Variants in RC3H2 observed in about 807,000 individuals in gnomAD.
The protein encoded by RC3H2 is roquin-2.
Under a neutral mutation model 133.3 loss-of-function variants are expected in RC3H2, and 31 were observed. The ratio of observed to expected loss-of-function variants is 0.23; its 90% CI spans 0.17 to 0.31. The LOEUF is 0.31. Ranked by LOEUF, RC3H2 falls within the 10% of genes least tolerant of loss-of-function variation. RC3H2 has a pLI of 1.00. For missense variants in RC3H2, 1,175 were observed against 1,437.2 expected, an observed-to-expected ratio of 0.82 and a Z score of 2.95; for synonymous variants, 517 against 502.2, an observed-to-expected ratio of 1.03 and a Z score of -0.40.
chr9:122,847,399 C>T lies in RC3H2; in HGVS notation c.*2228G>A, dbSNP rs1030035481. The T allele has an allele frequency of 2.0e-5, 3 of 151,954 alleles. No homozygotes were observed. The highest frequency in any genetic ancestry group is 7.2e-5 in the African/African-American group (3 of 41,394). The allele number at this position is 151,954 out of a possible 1,614,324, so 9.4% of individuals were successfully genotyped here. ...AGGAGCTCTCAAACTGTTAATAGGT[C>T]TCTATTTTGTAACAAAATAGCAATT... On this transcript the variant is annotated 3_prime_UTR_variant, in exon 21 of 21. Transcript: ENST00000357244.
At chr9:122,902,890 T>C (rs1018762159) in intron 1 of RC3H2, among the ~76,000 whole-genome samples, 1 of 152,042 alleles carries the variant, frequency 6.6e-6, no homozygotes, top group African/African-American at 2.4e-5. Context: ...AAATTATTTT[T>C]AGTAATATAT....
chr9:122,854,085 G>T lies in RC3H2; in HGVS notation c.2984C>A (p.Ala995Asp). 2 of 1,613,544 alleles carry T rather than the reference G, an allele frequency of 1.2e-6. No individual in the cohort carries two copies. Among genetic ancestry groups the T allele is most frequent in the Non-Finnish European group, 1.7e-6 (2 of 1,179,940 alleles). ...CTGAAGAAGTAATGAGTTGCTCTTGGCCTATATGAGGAGGGAAAAAAAGAA... is the reference window on the plus strand; with the variant it reads ...CTGAAGAAGTAATGAGTTGCTCTTGTCCTATATGAGGAGGGAAAAAAAGAA... The part of the protein sequence containing the change: ...GDLLSLELQQ[A>D]KSNSLLLQRE... Residue 995 changes from alanine (A) to aspartate (D), a missense_variant and splice_region_variant, in exon 18 of 21, where the codon GCC becomes GAC. Coordinates refer to ENST00000357244, the MANE Select transcript of RC3H2 (RefSeq NM_001100588.3).
chr9:122,869,750 A>G (rs1830981612), intron 9 of RC3H2, among the ~76,000 whole-genome samples: 1 of 151,924 alleles, frequency 6.6e-6, no homozygotes, highest in Admixed American at 6.6e-5. Context: ...TTGTATTTTT[A>G]GTAGAGATGG....
intron 1 of RC3H2, among the ~76,000 whole-genome samples, chr9:122,904,151 C>G (rs1242550627): frequency 3.3e-5 from 5 of 152,022 alleles, no homozygotes; most frequent in Non-Finnish European, 7.4e-5. Flanking sequence ...TACAAACTCA[C>G]CCACCCACAA....
chr9:122,854,664 G>T, intron 15 of RC3H2, 49 bp from the exon 16 acceptor site: 1 of 1,193,816 alleles, frequency 8.4e-7, no homozygotes, highest in Non-Finnish European at 1.3e-6. Context: ...AAAAATCAGT[G>T]TACTGAGGTG....
chr9:122,861,372 C>A (rs1439817739), intron 10 of RC3H2, among the ~76,000 whole-genome samples: 1 of 151,612 alleles, frequency 6.6e-6, no homozygotes, highest in East Asian at 1.9e-4. Flanking sequence ...TGCCTGTAAT[C>A]CCAGCTACTT....
At chr9:122,900,762 C>CA (rs1393633801) in intron 1 of RC3H2, among the ~76,000 whole-genome samples, 1 of 152,106 alleles carries the variant, frequency 6.6e-6, no homozygotes, top group Non-Finnish European at 1.5e-5. Context: ...AAAAGGCCTA[C>CA]AACTCAAGAT....
At chr9:122,850,728 C>T (rs747394596) in intron 20 of RC3H2, among the ~76,000 whole-genome samples, 4 of 152,134 alleles carry the variant, frequency 2.6e-5, no homozygotes, top group East Asian at 1.9e-4. Flanking sequence ...TGAGCCACTA[C>T]GCCCAGCCTA....
chr9:122,885,098 T>C (rs1238284040), intron 4 of RC3H2, among the ~76,000 whole-genome samples: 1 of 152,148 alleles, frequency 6.6e-6, no homozygotes, highest in Non-Finnish European at 1.5e-5. Context: ...TATAGTACTG[T>C]ATTGTATCAT....
chr9:122,859,648 T>C (rs576175035), intron 11 of RC3H2, among the ~76,000 whole-genome samples: 5 of 152,262 alleles, frequency 3.3e-5, no homozygotes, highest in African/African-American at 1.2e-4. Flanking sequence ...AACATAAGCA[T>C]ACATAAATAA....
intron 11 of RC3H2, 143 bp from the exon 12 acceptor site, chr9:122,859,245 AC>A: frequency 7.7e-6 from 3 of 390,996 alleles, no homozygotes; most frequent in Admixed American, 7.0e-5. Flanking sequence ...AAAGCTTTAT[AC>A]CCTGGCTTTT....
rs1830013579 is a variant in RC3H2, at chr9:122,851,447, T to C, written c.3118-11A>G. 2.5e-6 allele frequency: 4 copies of C among 1,613,354 alleles called. No homozygotes were observed. The highest frequency in any genetic ancestry group is 1.1e-5 in the South Asian group (1 of 91,052). ...ATAATCACTCTGTAACTAAGAAAAA[T>C]ACTGATTTTGCTCTCCCTCTCCCTC... is the stretch of plus-strand genomic sequence containing the variant. On this transcript the variant is annotated splice_polypyrimidine_tract_variant and intron_variant, in intron 18 of 20. Coordinates refer to ENST00000357244, the MANE Select transcript of RC3H2 (RefSeq NM_001100588.3).
intron 10 of RC3H2, among the ~76,000 whole-genome samples, chr9:122,863,016 C>A (rs1183167461): frequency 1.3e-5 from 2 of 151,770 alleles, no homozygotes; most frequent in Non-Finnish European, 2.9e-5. Flanking sequence ...GTCCAATTAT[C>A]ACCACTAATT....
Position 122,905,336 on chromosome 9 carries a change from C to CCTCCGCCT in RC3H2, c.-295_-294insAGGCGGAG. The CCTCCGCCT allele has an allele frequency of 1.0e-6, 1 of 959,546 alleles. No homozygotes were observed. The highest frequency in any genetic ancestry group is 1.2e-6 in the Non-Finnish European group (1 of 806,306). 59.4% of individuals were successfully genotyped at this position (959,546 alleles called of 1,614,324 possible). On this transcript the variant is annotated 5_prime_UTR_variant, in exon 1 of 21. Coordinates refer to ENST00000357244, the MANE Select transcript of RC3H2 (RefSeq NM_001100588.3). ...CGCCTCCTCCTCCTCCTCCTCCTCACCACGGAGGCGGACCTGGAGGGATCC... is the reference window on the plus strand; with the variant it reads ...CGCCTCCTCCTCCTCCTCCTCCTCACCTCCGCCTCACGGAGGCGGACCTGGAGGGATCC...
chr9:122,879,895 A>G (rs41277134), intron 7 of RC3H2, 22 bp from the exon 8 acceptor site: 22 of 1,611,216 alleles, frequency 1.4e-5, no homozygotes, highest in Non-Finnish European at 1.8e-5. Flanking sequence ...CACCAAGGGC[A>G]TGGGGGTTGG....
rs749988232 is a variant in RC3H2 at position 122,860,074 on chromosome 9, C to T, written c.1692G>A (p.Gly564=). The change falls in exon 11 of 21, where the codon GGG becomes GGA. Residue 564 remains glycine (G), a synonymous_variant. Coordinates refer to ENST00000357244, the MANE Select transcript of RC3H2 (RefSeq NM_001100588.3). ...TCAGCTCTGTTCCAACATTAGAGGG[C>T]CCAGCTGAGGTAGCTGCTACATTAC... is the stretch of plus-strand genomic sequence containing the variant. ...PVSNVAATSA[G]PSNVGTELNS... is the part of the protein sequence containing the mutation. 1.2e-6 allele frequency: 2 copies of T among 1,614,000 alleles called. No individual in the cohort carries two copies. The highest frequency in any genetic ancestry group is 1.7e-6 in the Non-Finnish European group (2 of 1,179,998).
chr9:122,865,806 T>C (rs1221710479), intron 9 of RC3H2, 149 bp from the exon 10 acceptor site: 1 of 633,912 alleles, frequency 1.6e-6, no homozygotes, highest in African/African-American at 1.8e-5. Flanking sequence ...ATACAGTCTA[T>C]ATCAAATTCT....
chr9:122,904,388 T>A (rs1351332213), intron 1 of RC3H2, among the ~76,000 whole-genome samples: 1 of 152,146 alleles, frequency 6.6e-6, no homozygotes, highest in Non-Finnish European at 1.5e-5. Context: ...ACCCTCATCT[T>A]CTCCCATCCT....
Position 122,897,557 on chromosome 9 carries a change from G to T in RC3H2, c.-48C>A, listed in dbSNP as rs78365758. The T allele has an allele frequency of 6.4e-4, 1,000 of 1,570,434 alleles. 26 individuals are homozygous for T. In the East Asian group the frequency reaches 0.023, roughly 36 times the overall value. ...TAGCAGTCTAGCAGATCATTATTTT[G>T]CTGTGTAGTGTTTTGTAAGCTAGAA... On this transcript the variant is annotated 5_prime_UTR_variant, in exon 2 of 21. Coordinates refer to ENST00000357244, the MANE Select transcript of RC3H2 (RefSeq NM_001100588.3).
Sources: gnomAD v4.1 joint callset for allele counts (sites outside exome capture counted in the v4.1 genomes callset) on GRCh38, gnomAD v4.1.1 for gene constraint, MANE v1.5 for transcripts, NCBI Gene and HGNC (gene_info 2026-07-23, HGNC 2026-07-21) for gene names.